The following TMEM132B variants were observed in gnomAD, a reference collection of about 807,000 sequenced individuals.
The protein encoded by TMEM132B is transmembrane protein 132B.
Under a neutral mutation model 90.8 loss-of-function variants are expected in TMEM132B, and 18 were observed. That is an observed-to-expected ratio of 0.20 (90% CI 0.14 to 0.29). The LOEUF (loss-of-function observed/expected upper bound fraction) is 0.29. Among genes scored for constraint, TMEM132B ranks in the 10% least tolerant of loss-of-function variants. TMEM132B has a pLI of 1.00. For missense variants in TMEM132B, 1,096 were observed against 1,326.8 expected, an observed-to-expected ratio of 0.83 and a Z score of 2.70; for synonymous variants, 504 against 523.3, an observed-to-expected ratio of 0.96 and a Z score of 0.50.
At chr12:125,647,185 G>GA (rs1459865279) in intron 6 of TMEM132B, among the ~76,000 whole-genome samples, 1 of 152,120 alleles carries the variant, frequency 6.6e-6, no homozygotes, top group Non-Finnish European at 1.5e-5. Context: ...AGTCTTGGGG[G>GA]AAAAAGGGAA....
At chr12:125,427,126 G>A (rs1375144448) in intron 3 of TMEM132B, among the ~76,000 whole-genome samples, 3 of 152,170 alleles carry the variant, frequency 2.0e-5, no homozygotes, top group African/African-American at 7.2e-5. Flanking sequence ...ATTTGATGTG[G>A]CACAGGTGAG....
intron 1 of TMEM132B, among the ~76,000 whole-genome samples, chr12:125,325,976 G>A (rs1365630445): frequency 1.3e-5 from 2 of 152,106 alleles, no homozygotes; most frequent in Non-Finnish European, 1.5e-5. Context: ...TGCTTTTCAT[G>A]GTGTTGACCC....
intron 1 of TMEM132B, among the ~76,000 whole-genome samples, chr12:125,346,840 T>A (rs1363849866): frequency 6.6e-6 from 1 of 152,230 alleles, no homozygotes; most frequent in African/African-American, 2.4e-5. Context: ...AGTTATGAGG[T>A]CGTTTTCAAT....
chr12:125,613,136 T>A (rs1308617503), intron 5 of TMEM132B, among the ~76,000 whole-genome samples: 1 of 112,874 alleles, frequency 8.9e-6, no homozygotes, highest in Non-Finnish European at 1.7e-5. Flanking sequence ...ATTTATATAT[T>A]ATATATAAAT....
chr12:125,415,430 A>G lies in TMEM132B; in HGVS notation c.960-101A>G. 2.1e-6 allele frequency: 3 copies of G among 1,412,134 alleles called. No homozygotes were observed. The highest frequency in any genetic ancestry group is 2.9e-6 in the Non-Finnish European group (3 of 1,048,998). 87.5% of individuals were successfully genotyped at this position (1,412,134 alleles called of 1,614,324 possible). ...TCCCAGAGGAAGGGGGCGATGTTAC[A>G]GATGCTTTCCCAGTGATCTGCTCTC... On this transcript the variant is annotated intron_variant, in intron 2 of 8. Coordinates refer to ENST00000682704, the MANE Select transcript of TMEM132B (RefSeq NM_001366854.1). The surrounding 1 kb of genome is among the most constrained non-coding windows in gnomAD (Gnocchi z 5.3).
At chr12:125,371,623 G>T (rs1878294121) in intron 2 of TMEM132B, among the ~76,000 whole-genome samples, 1 of 152,190 alleles carries the variant, frequency 6.6e-6, no homozygotes, top group Non-Finnish European at 1.5e-5. Flanking sequence ...ATTTAAAAGA[G>T]AAGTATGTAA....
intron 3 of TMEM132B, among the ~76,000 whole-genome samples, chr12:125,416,959 T>A (rs1880031367): frequency 1.3e-5 from 2 of 152,216 alleles, no homozygotes; most frequent in South Asian, 2.1e-4. Context: ...CAGTTGCAAG[T>A]AATAGAATAT....
At chr12:125,339,660 G>A (rs1205172761) in intron 1 of TMEM132B, among the ~76,000 whole-genome samples, 1 of 152,198 alleles carries the variant, frequency 6.6e-6, no homozygotes, top group East Asian at 1.9e-4. Context: ...TCCAAGTGTG[G>A]GTGTTGGTGG....
chr12:125,389,966 C>A (rs938558410), intron 2 of TMEM132B, among the ~76,000 whole-genome samples: 3 of 152,152 alleles, frequency 2.0e-5, no homozygotes, highest in Non-Finnish European at 4.4e-5. Flanking sequence ...ACAAAATGAA[C>A]AAACCTGTGT....
intron 1 of TMEM132B, among the ~76,000 whole-genome samples, chr12:125,340,151 T>C (rs1310675863): frequency 6.6e-6 from 1 of 152,112 alleles, no homozygotes; most frequent in African/African-American, 2.4e-5. Flanking sequence ...GGGAAAGCAA[T>C]TTCTAAGATC....
At chr12:125,532,622 C>T (rs1883674587) in intron 4 of TMEM132B, among the ~76,000 whole-genome samples, 1 of 151,560 alleles carries the variant, frequency 6.6e-6, no homozygotes, top group Non-Finnish European at 1.5e-5. Flanking sequence ...TCAAGCAATT[C>T]TTCTGCCCCA....
chr12:125,639,006 G>T (rs1886560131), intron 5 of TMEM132B, among the ~76,000 whole-genome samples: 2 of 152,074 alleles, frequency 1.3e-5, no homozygotes, highest in South Asian at 4.2e-4. Context: ...CCATGTTCCT[G>T]CCCTCAGCTC....
At chr12:125,552,198 A>G (rs1243819157) in intron 4 of TMEM132B, among the ~76,000 whole-genome samples, 1 of 152,250 alleles carries the variant, frequency 6.6e-6, no homozygotes. Flanking sequence ...GTGGCCCTGT[A>G]TTTGTAGCTG....
chr12:125,467,925 A>C (rs1881611684), intron 3 of TMEM132B, among the ~76,000 whole-genome samples: 1 of 152,188 alleles, frequency 6.6e-6, no homozygotes, highest in African/African-American at 2.4e-5. Flanking sequence ...ATTTTCTCAT[A>C]GCATGTATCA....
chr12:125,447,317 T>A (rs1193846253), intron 3 of TMEM132B, among the ~76,000 whole-genome samples: 1 of 152,200 alleles, frequency 6.6e-6, no homozygotes, highest in South Asian at 2.1e-4. Context: ...ATGAAATAAT[T>A]AAATAATTAA....
chr12:125,362,980 C>T (rs1346954923), intron 2 of TMEM132B, among the ~76,000 whole-genome samples: 1 of 152,078 alleles, frequency 6.6e-6, no homozygotes, highest in Non-Finnish European at 1.5e-5. Flanking sequence ...AGTCATTCTC[C>T]CATCAGTGGG....
At chr12:125,376,561 T>G (rs1046638470) in intron 2 of TMEM132B, among the ~76,000 whole-genome samples, 1 of 152,196 alleles carries the variant, frequency 6.6e-6, no homozygotes, top group Non-Finnish European at 1.5e-5. Flanking sequence ...TCGGGGCTAT[T>G]TAAACTCTTC....
chr12:125,326,956 C>T (rs985144491), intron 1 of TMEM132B, among the ~76,000 whole-genome samples: 5 of 152,056 alleles, frequency 3.3e-5, no homozygotes, highest in Admixed American at 3.3e-4. Flanking sequence ...ACAGGGTCTC[C>T]CTGCCTTCTC....
chr12:125,553,624 T>C (rs1884294908), intron 4 of TMEM132B, among the ~76,000 whole-genome samples: 1 of 152,238 alleles, frequency 6.6e-6, no homozygotes, highest in Admixed American at 6.5e-5. Context: ...CCAGAAGCTA[T>C]GATGAGTTTA....
Sources: gnomAD v4.1 joint callset for allele counts (sites outside exome capture counted in the v4.1 genomes callset) on GRCh38, gnomAD v4.1.1 for gene constraint, Gnocchi (gnomAD v3.1) non-coding constraint, MANE v1.5 for transcripts, NCBI Gene and HGNC (gene_info 2026-07-23, HGNC 2026-07-21) for gene names.